Variants in SEMA5B observed in about 807,000 individuals in gnomAD.
The protein encoded by SEMA5B is semaphorin-5B.
A neutral mutation model predicts 135.0 loss-of-function variants in SEMA5B; 66 were observed. The observed-to-expected ratio is 0.49, with a 90% confidence interval of 0.40 to 0.60. The LOEUF (loss-of-function observed/expected upper bound fraction) is 0.60, where lower values mean the gene tolerates loss of function less well. Among genes scored for constraint, SEMA5B ranks in the 20% least tolerant of loss-of-function variants. The probability of loss-of-function intolerance (pLI) is 0.00; values close to 1 mark genes in which losing one functional copy is unlikely to be tolerated. For missense variants in SEMA5B, 1,501 were observed against 1,566.3 expected (o/e 0.96, Z 0.70); for synonymous variants, 690 against 639.5 (o/e 1.08, Z -1.19).
chr3:122,913,310 G>C lies in SEMA5B; in HGVS notation c.2395C>G (p.Arg799Gly), dbSNP rs1238107533. The change falls in exon 17 of 23, where the codon CGC (arginine) becomes GGC (glycine). Residue 799 changes from arginine (R) to glycine (G), a missense_variant. Coordinates refer to ENST00000357599, the MANE Select transcript of SEMA5B (RefSeq NM_001031702.4). ...QGGARQEQRF[R>G]FTCRAPLADP... is the part of the protein sequence containing the mutation. ...GCAAGGGGCGCGCGGCAGGTGAAGCGGAACCGCTGCTCCTGCCGTGCCCCG... is the reference window on the plus strand; with the variant it reads ...GCAAGGGGCGCGCGGCAGGTGAAGCCGAACCGCTGCTCCTGCCGTGCCCCG... 6.4e-7 allele frequency: 1 copy of C among 1,573,946 alleles called. No homozygotes were observed. Among genetic ancestry groups the C allele is most frequent in the African/African-American group, 1.3e-5 (1 of 74,466 alleles).
intron 1 of SEMA5B, chr3:122,975,942 T>G: frequency 2.0e-6 from 3 of 1,522,142 alleles, no homozygotes; most frequent in Non-Finnish European, 2.6e-6. Context: ...TCCCCCTCCA[T>G]CCAACCTCCT....
intron 9 of SEMA5B, among the ~76,000 whole-genome samples, chr3:122,926,008 C>G (rs542392156): frequency 6.6e-6 from 1 of 152,240 alleles, no homozygotes; most frequent in Non-Finnish European, 1.5e-5. Flanking sequence ...TTAGATTGAG[C>G]AGAATCACAT....
At chr3:122,972,680 A>G (rs1262203019) in intron 1 of SEMA5B, among the ~76,000 whole-genome samples, 1 of 152,200 alleles carries the variant, frequency 6.6e-6, no homozygotes, top group African/African-American at 2.4e-5. Context: ...GGTGCAGCAT[A>G]GGTGACCAGC....
rs545398757 is a variant in SEMA5B, at chr3:122,921,897, C to T, written c.1688+18G>A. The T allele has an allele frequency of 6.6e-7, 1 of 1,522,410 alleles. No individual in the cohort carries two copies. Among genetic ancestry groups the T allele is most frequent in the Non-Finnish European group, 8.8e-7 (1 of 1,141,432 alleles). The allele number at this position is 1,522,410 out of a possible 1,614,324, so 94.3% of individuals were successfully genotyped here. ...CCTCCGCAGTGGAGGCCTCGGGAGC[C>T]GCCCCGTCCCGGCTTACCCCTGGCT... is the stretch of plus-strand genomic sequence containing the variant. On this transcript the variant is annotated intron_variant, in intron 12 of 22. Coordinates refer to ENST00000357599, the MANE Select transcript of SEMA5B (RefSeq NM_001031702.4).
chr3:122,928,711 A>G (rs1214559702), intron 6 of SEMA5B, 96 bp from the exon 7 acceptor site: 12 of 944,912 alleles, frequency 1.3e-5, no homozygotes, highest in Non-Finnish European at 1.8e-5. Context: ...GCCAACAAGT[A>G]TTCTAAACAC....
intron 1 of SEMA5B, among the ~76,000 whole-genome samples, chr3:123,025,643 A>G (rs1942780585): frequency 6.6e-6 from 1 of 152,096 alleles, no homozygotes; most frequent in Non-Finnish European, 1.5e-5. Context: ...AGGTGTTGAT[A>G]TGGAGAAAAG....
intron 9 of SEMA5B, among the ~76,000 whole-genome samples, chr3:122,924,249 C>T (rs1471525705): frequency 6.6e-6 from 1 of 152,160 alleles, no homozygotes; most frequent in Non-Finnish European, 1.5e-5. Flanking sequence ...GTTCAGATGA[C>T]CCAGGAGACC....
At chr3:122,962,759 G>C (rs1167541521) in intron 1 of SEMA5B, among the ~76,000 whole-genome samples, 1 of 152,210 alleles carries the variant, frequency 6.6e-6, no homozygotes, top group Non-Finnish European at 1.5e-5. Context: ...TGTGCTGGTG[G>C]TGTCAGAGGG....
At chr3:122,937,043 T>G (rs979231012) in intron 5 of SEMA5B, among the ~76,000 whole-genome samples, 2 of 152,248 alleles carry the variant, frequency 1.3e-5, no homozygotes, top group Non-Finnish European at 2.9e-5. Context: ...TTAAGTTTGC[T>G]TAAATCATGC....
At chr3:122,938,808 G>T (rs2107510683) in intron 5 of SEMA5B, among the ~76,000 whole-genome samples, 1 of 152,314 alleles carries the variant, frequency 6.6e-6, no homozygotes. Context: ...TTTGACATCT[G>T]TTTCTCAATC....
At chr3:122,925,273 G>A (rs1938565227) in intron 9 of SEMA5B, among the ~76,000 whole-genome samples, 1 of 152,042 alleles carries the variant, frequency 6.6e-6, no homozygotes, top group South Asian at 2.1e-4. Context: ...GTCTATATCA[G>A]GGTGTCCAAT....
rs373100958 is a variant in SEMA5B at position 122,948,687 on chromosome 3, G to T, written c.147C>A (p.Pro49=). 10 of 1,605,794 alleles carry T rather than the reference G, an allele frequency of 6.2e-6. No homozygotes were observed. Among genetic ancestry groups the T allele is most frequent in the Non-Finnish European group, 8.5e-6 (10 of 1,174,158 alleles). ...LVRGLLPCLP[P]GARTAEGPIM... ...TAGGCCCCTCTGCAGTCCTAGCTCCGGGAGGCAGACAGGGGAGAAGACCTG... is the reference window on the plus strand; with the variant it reads ...TAGGCCCCTCTGCAGTCCTAGCTCCTGGAGGCAGACAGGGGAGAAGACCTG... The change falls in exon 3 of 23, where the codon CCC becomes CCA. Residue 49 remains proline, a synonymous_variant. Transcript: ENST00000357599.
chr3:122,993,567 G>T (rs1424253662), intron 1 of SEMA5B, among the ~76,000 whole-genome samples: 1 of 152,058 alleles, frequency 6.6e-6, no homozygotes, highest in Non-Finnish European at 1.5e-5. Context: ...ATGTGTGCAT[G>T]TGAGCAAGAG....
intron 2 of SEMA5B, among the ~76,000 whole-genome samples, chr3:122,952,979 T>G (rs1344839414): frequency 6.6e-6 from 1 of 152,080 alleles, no homozygotes; most frequent in Admixed American, 6.5e-5. Context: ...TCCCATATGG[T>G]TCCCAAACCC....
At chr3:122,994,859 G>A (rs1206987915) in intron 1 of SEMA5B, among the ~76,000 whole-genome samples, 1 of 152,188 alleles carries the variant, frequency 6.6e-6, no homozygotes, top group Non-Finnish European at 1.5e-5. Context: ...TGCCACCCAC[G>A]ATGCCTGGCC....
chr3:122,931,291 C>T (rs924666177), intron 5 of SEMA5B, among the ~76,000 whole-genome samples: 2 of 152,000 alleles, frequency 1.3e-5, no homozygotes. Context: ...GAAGATTTTT[C>T]CCACTTACCC....
intron 15 of SEMA5B, 43 bp downstream of exon 15, chr3:122,913,815 C>T (rs376847158): frequency 2.6e-6 from 4 of 1,567,570 alleles, no homozygotes; most frequent in Non-Finnish European, 3.5e-6. Flanking sequence ...TTCTGGGGGG[C>T]CCGGTTAGTC....
chr3:122,910,912 G>A lies in SEMA5B; in HGVS notation c.3225C>T (p.Ala1075=). The change falls in exon 22 of 23, where the codon GCC becomes GCT. Residue 1075 remains alanine (A), a synonymous_variant. Coordinates refer to ENST00000357599, the MANE Select transcript of SEMA5B (RefSeq NM_001031702.4). Reference sequence around the variant, plus strand: ...CCTTGTAGTGCAAATGGTTGGGGGTGGCAGGATGGACCAGTGTGGACTCCT... The same window carrying A: ...CCTTGTAGTGCAAATGGTTGGGGGTAGCAGGATGGACCAGTGTGGACTCCT... ...QSQESTLVHP[A]TPNHLHYKGG... The A allele has an allele frequency of 6.2e-7, 1 of 1,613,818 alleles. No homozygotes were observed. The highest frequency in any genetic ancestry group is 1.3e-5 in the African/African-American group (1 of 75,046).
At chr3:122,930,889 T>C (rs1380342005) in intron 5 of SEMA5B, among the ~76,000 whole-genome samples, 1 of 152,136 alleles carries the variant, frequency 6.6e-6, no homozygotes, top group Non-Finnish European at 1.5e-5. Context: ...CTCCAGACAA[T>C]TGACACCAGA....
Sources: gnomAD v4.1 joint callset for allele counts (sites outside exome capture counted in the v4.1 genomes callset) on GRCh38, gnomAD v4.1.1 for gene constraint, MANE v1.5 for transcripts, NCBI Gene and HGNC (gene_info 2026-07-23, HGNC 2026-07-21) for gene names.